Variants in LONRF3 observed in about 807,000 individuals in gnomAD.
LONRF3 encodes LON peptidase N-terminal domain and ring finger 3, also known as LON peptidase N-terminal domain and RING finger protein 3.
In LONRF3, 19 loss-of-function variants were observed where a neutral mutation model predicts 51.7. That is an observed-to-expected ratio of 0.37 (90% CI 0.26 to 0.54). The LOEUF is 0.54. LONRF3 is among the 20% of genes least tolerant of loss of function. The pLI is 0.86. For synonymous variants in LONRF3, 265 were observed against 257.8 expected (o/e 1.03, Z -0.27); for missense variants, 521 against 623.9 (o/e 0.84, Z 1.76).
chrX:118,975,593 G>T lies in LONRF3; in HGVS notation c.813G>T (p.Lys271Asn). 8.6e-7 allele frequency: 1 copy of T among 1,164,366 alleles called. No individual in the cohort carries two copies. The change falls in exon 1 of 11, where the codon AAG (lysine) becomes AAT (asparagine). Residue 271 changes from lysine (K) to asparagine (N), a missense_variant. Coordinates refer to ENST00000371628, the MANE Select transcript of LONRF3 (RefSeq NM_001031855.3). ...AALLKYNEAVKLAPNDHLLYS... is the reference protein window; with the variant it reads ...AALLKYNEAVNLAPNDHLLYS... ...TGCTCAAGTACAACGAGGCAGTTAA[G>T]TTGGGTGAGTCCAACGCGCTGCCGG...
chrX:119,009,421 G>T, intron 7 of LONRF3, among the ~76,000 whole-genome samples, 174 bp downstream of exon 7: 1 of 111,617 alleles, frequency 9.0e-6, no homozygotes, highest in East Asian at 2.8e-4. Flanking sequence ...CAGGGTTTCC[G>T]CTGCACCCAG....
chrX:119,009,381 A>ACTCT, intron 7 of LONRF3, 134 bp downstream of exon 7: 2 of 637,057 alleles, frequency 3.1e-6, no homozygotes, highest in Non-Finnish European at 4.6e-6. Flanking sequence ...GAGAGTATTT[A>ACTCT]CACCATGGAA....
In LONRF3 at chrX:119,014,151, C is replaced by T. The variant is rs767662893; in HGVS notation, c.1975-56C>T. On this transcript the variant is annotated intron_variant, in intron 9 of 10. Coordinates refer to ENST00000371628, the MANE Select transcript of LONRF3 (RefSeq NM_001031855.3). Reference sequence around the variant, plus strand: ...AAAGCGAATCAGGTGTCAAAAGTGACTCTGGGAATGATGGAGAGGGTACAG... The same window carrying T: ...AAAGCGAATCAGGTGTCAAAAGTGATTCTGGGAATGATGGAGAGGGTACAG... 7.0e-6 allele frequency: 8 copies of T among 1,136,233 alleles called. No homozygotes were observed. The Admixed American group carries it at 7.4e-5, about 11-fold the overall frequency. 93.6% of individuals were successfully genotyped at this position (1,136,233 alleles called of 1,213,427 possible).
At chrX:118,992,395 G>T (rs966641329) in intron 5 of LONRF3, among the ~76,000 whole-genome samples, 5 of 111,319 alleles carry the variant, frequency 4.5e-5, no homozygotes, top group African/African-American at 1.6e-4. Context: ...TGTGACTGCT[G>T]TATTTCCCCA....
chrX:118,979,216 G>A (rs1234671434), intron 2 of LONRF3, among the ~76,000 whole-genome samples: 2 of 109,312 alleles, frequency 1.8e-5, no homozygotes, highest in Non-Finnish European at 3.8e-5. Flanking sequence ...TGTTAGCCAG[G>A]ATGGTCTCGA....
At chrX:118,985,401 C>T (rs193288260) in intron 3 of LONRF3, among the ~76,000 whole-genome samples, 1 of 111,501 alleles carries the variant, frequency 9.0e-6, no homozygotes, top group Non-Finnish European at 1.9e-5. Context: ...TTTATGGCCC[C>T]GGGTGCTGTG....
Position 118,982,924 on chromosome X carries a change from C to T in LONRF3, c.1040C>T (p.Ala347Val). The change falls in exon 3 of 11, where the codon GCA becomes GTA. Residue 347 changes from alanine (A) to valine (V), a missense_variant. Around this residue, in one of 2 missense-constraint regions of LONRF3, gnomAD observed 376 missense variants for 376.7 expected, o/e 1.00. Transcript: ENST00000371628. ...CVSLDGKNKR[A>V]RCEAQRDNLE... Reference sequence around the variant, plus strand: ...TCCCTTGATGGAAAGAACAAGAGAGCAAGATGTGAAGCCCAAAGAGTGAGT... The same window carrying T: ...TCCCTTGATGGAAAGAACAAGAGAGTAAGATGTGAAGCCCAAAGAGTGAGT... 8.3e-7 allele frequency: 1 copy of T among 1,209,872 alleles called. No individual in the cohort carries two copies. Among genetic ancestry groups the T allele is most frequent in the Non-Finnish European group, 1.1e-6 (1 of 894,393 alleles).
rs150886041 is a variant in LONRF3, at chrX:119,000,118, T to C, written c.1416-6003T>C. Among the ~76,000 whole-genome samples, 263 of 112,095 alleles carry C rather than the reference T, an allele frequency of 2.3e-3. 2 individuals are homozygous for C. The highest frequency in any genetic ancestry group is 8.2e-3 in the African/African-American group (252 of 30,879). On this transcript the variant is annotated intron_variant, in intron 5 of 10. Coordinates refer to ENST00000371628, the MANE Select transcript of LONRF3 (RefSeq NM_001031855.3). ...AGTGTTTTTCTTCTCTTTCTTGTTGTTAGGAATATGATTGGTTCTCTTATT... is the reference window on the plus strand; with the variant it reads ...AGTGTTTTTCTTCTCTTTCTTGTTGCTAGGAATATGATTGGTTCTCTTATT...
At position 119,014,306 on chromosome X, in the gene LONRF3, C is replaced by T. The variant is rs1165082563; in HGVS notation, c.2074C>T (p.Arg692Trp). 7 of 1,208,718 alleles carry T rather than the reference C, an allele frequency of 5.8e-6. No homozygotes were observed. Among genetic ancestry groups the T allele is most frequent in the Non-Finnish European group, 7.8e-6 (7 of 894,293 alleles). ...TTCGCTCAAATTATCCCTAAAGAATCGGATACTCAATCACTTTGGTCCCAT... is the reference window on the plus strand; with the variant it reads ...TTCGCTCAAATTATCCCTAAAGAATTGGATACTCAATCACTTTGGTCCCAT... ...FHSLKLSLKN[R>W]ILNHFGPMPE... is the part of the protein sequence containing the mutation. Residue 692 changes from arginine to tryptophan, a missense_variant, in exon 10 of 11, where the codon CGG becomes TGG. Around this residue, in one of 2 missense-constraint regions of LONRF3, gnomAD observed 145 missense variants for 247.2 expected, o/e 0.59. Coordinates refer to ENST00000371628, the MANE Select transcript of LONRF3 (RefSeq NM_001031855.3).
Position 118,986,993 on chromosome X carries a change from G to T in LONRF3, c.1060-2415G>T. On this transcript the variant is annotated intron_variant, in intron 3 of 10. Transcript: ENST00000371628. ...AGGAACATTCTCCCGATATCCTGAA[G>T]CTGTTGGCACCTCACCCTAGATTAA... 3 of 1,150,760 alleles carry T rather than the reference G, an allele frequency of 2.6e-6. No individual in the cohort carries two copies. The Admixed American group carries it at 7.8e-5, about 30-fold the overall frequency. The allele number at this position is 1,150,760 out of a possible 1,213,427, so 94.8% of individuals were successfully genotyped here. A position where few individuals can be genotyped will look rare whatever the true frequency, so the allele number is the denominator to read the frequency against.
chrX:119,011,768 T>C (rs1216434610), intron 7 of LONRF3, 47 bp from the exon 8 acceptor site: 1 of 1,174,837 alleles, frequency 8.5e-7, no homozygotes, highest in Non-Finnish European at 1.2e-6. Context: ...TATTTTTGTG[T>C]TCTGTCCGAT....
chrX:118,982,197 T>C (rs1410979782), intron 2 of LONRF3, among the ~76,000 whole-genome samples: 1 of 111,778 alleles, frequency 8.9e-6, no homozygotes, highest in Non-Finnish European at 1.9e-5. Flanking sequence ...GAGAGTAAGC[T>C]CAGCCCCTGG....
intron 3 of LONRF3, among the ~76,000 whole-genome samples, chrX:118,987,844 C>T (rs1418279124): frequency 9.0e-6 from 1 of 111,625 alleles, no homozygotes; most frequent in Non-Finnish European, 1.9e-5. Flanking sequence ...AAGTAAGCTT[C>T]CAATACGTAT....
intron 3 of LONRF3, among the ~76,000 whole-genome samples, chrX:118,986,570 A>G (rs1922983474): frequency 8.9e-6 from 1 of 112,148 alleles, no homozygotes; most frequent in South Asian, 3.7e-4. Context: ...TTAAAATCCC[A>G]CTGCAGATAT....
At chrX:119,011,437 G>GA (rs1415778140) in intron 7 of LONRF3, among the ~76,000 whole-genome samples, 2 of 111,532 alleles carry the variant, frequency 1.8e-5, no homozygotes, top group African/African-American at 6.5e-5. Context: ...CATGCAGCCT[G>GA]AAAAACACCT....
At position 119,017,653 on chromosome X, in the gene LONRF3, G is replaced by A. The variant is rs750154246; in HGVS notation, c.2243G>A (p.Arg748Gln). 3.3e-6 allele frequency: 4 copies of A among 1,205,164 alleles called. No individual in the cohort carries two copies. The highest frequency in any genetic ancestry group is 3.0e-5 in the East Asian group (1 of 33,445). The change falls in exon 11 of 11, where the codon CGA (arginine) becomes CAA (glutamine). Residue 748 changes from arginine (R) to glutamine (Q), a missense_variant. Physicochemically the swap from Arg to Gln is conservative, Grantham distance 43. This residue lies in a region of LONRF3 where 145 missense variants were observed against 247.2 expected (regional missense o/e 0.59). Coordinates refer to ENST00000371628, the MANE Select transcript of LONRF3 (RefSeq NM_001031855.3). ...TTAAAGGACAGACTGAATGGTATTCGACGAGTCCTGGCCTTCATATCCCGA... is the reference window on the plus strand; with the variant it reads ...TTAAAGGACAGACTGAATGGTATTCAACGAGTCCTGGCCTTCATATCCCGA... ...RSLKDRLNGI[R>Q]RVLAFISRNQ...
At chrX:118,985,902 A>G (rs775794355) in intron 3 of LONRF3, among the ~76,000 whole-genome samples, 18 of 111,424 alleles carry the variant, frequency 1.6e-4, no homozygotes, top group Admixed American at 9.6e-4. Flanking sequence ...TGATCAATTA[A>G]TACCCTAACT....
chrX:118,987,445 G>GTTTT (rs369180848), intron 3 of LONRF3, among the ~76,000 whole-genome samples: 5,741 of 32,253 alleles, frequency 0.18, 1,365 homozygotes, highest in East Asian at 0.34. Flanking sequence ...GCCTGGCTAA[G>GTTTT]TTTTTTTTTT....
At position 118,975,043 on chromosome X, in the gene LONRF3, A is replaced by C. The variant is rs1312118188; in HGVS notation, c.263A>C (p.Glu88Ala). The C allele has an allele frequency of 1.7e-6, 2 of 1,173,976 alleles. No homozygotes were observed. Among genetic ancestry groups the C allele is most frequent in the South Asian group, 3.8e-5 (2 of 53,096 alleles). Reference sequence around the variant, plus strand: ...CGGGGGCGAATCCGTGAAGCCCTCGAGGTGTATAGACAGCTCTCCGAGCGG... The same window carrying C: ...CGGGGGCGAATCCGTGAAGCCCTCGCGGTGTATAGACAGCTCTCCGAGCGG... ...ASRGRIREAL[E>A]VYRQLSERQQ... Residue 88 changes from glutamate (E) to alanine (A), a missense_variant, in exon 1 of 11, where the codon GAG becomes GCG. Glu to Ala is a moderately radical substitution (Grantham distance 107, BLOSUM62 -1). Transcript: ENST00000371628.
Sources: allele counts gnomAD v4.1 joint callset (sites outside exome capture counted in the v4.1 genomes callset), GRCh38; gene constraint gnomAD v4.1.1; regional missense constraint gnomAD v4.1.1; transcripts MANE v1.5; gene names NCBI Gene and HGNC (gene_info 2026-07-23, HGNC 2026-07-21).